The following EVL variants were observed in gnomAD, a reference collection of about 807,000 sequenced individuals.
EVL encodes Enah/Vasp-like.
A neutral mutation model predicts 59.6 loss-of-function variants in EVL; 21 were observed. That is an observed-to-expected ratio of 0.35 (90% CI 0.25 to 0.51). The LOEUF (loss-of-function observed/expected upper bound fraction) is 0.51, where lower values mean the gene tolerates loss of function less well. EVL is among the 20% of genes least tolerant of loss of function. The pLI is 0.97. For synonymous variants in EVL, 198 were observed against 203.5 expected (o/e 0.97, Z 0.23); for missense variants, 462 against 546.6 (o/e 0.85, Z 1.54).
intron 1 of EVL, among the ~76,000 whole-genome samples, chr14:100,050,925 A>AC (rs1362884374): frequency 1.3e-5 from 2 of 151,320 alleles, no homozygotes; most frequent in East Asian, 3.9e-4. Context: ...AAAAAAAAAA[A>AC]ATTAAGAGAT....
chr14:100,126,603 G>A lies in EVL; in HGVS notation c.423-104G>A, dbSNP rs143129720. 3,119 of 1,300,980 alleles carry A rather than the reference G, an allele frequency of 2.4e-3. 11 individuals are homozygous for A. Among genetic ancestry groups the A allele is most frequent in the Non-Finnish European group, 2.8e-3 (2,555 of 913,184 alleles). The allele number at this position is 1,300,980 out of a possible 1,614,324, so 80.6% of individuals were successfully genotyped here. A position where few individuals can be genotyped will look rare whatever the true frequency, so the allele number is the denominator to read the frequency against. On this transcript the variant is annotated intron_variant, in intron 4 of 13. Transcript: ENST00000392920. ...ACAGTGGCGCTTGTGGAGCGCTGGC[G>A]AAACCTGACTCTGAAGCCGGGGCCG...
intron 1 of EVL, among the ~76,000 whole-genome samples, chr14:99,976,770 C>T (rs531763694): frequency 6.6e-6 from 1 of 152,264 alleles, no homozygotes; most frequent in Admixed American, 6.5e-5. Context: ...ACTTTTCCTC[C>T]TAATGTTCTC....
At chr14:100,087,127 T>C (rs1027300495) in intron 2 of EVL, among the ~76,000 whole-genome samples, 1 of 152,220 alleles carries the variant, frequency 6.6e-6, no homozygotes, top group Non-Finnish European at 1.5e-5. Context: ...ATGTCTATTA[T>C]TTCATTCTCC....
upstream of EVL, among the ~76,000 whole-genome samples, chr14:100,060,430 CAAAA>C (rs58767352): frequency 1.6e-5 from 1 of 63,626 alleles, no homozygotes; most frequent in Non-Finnish European, 3.5e-5. Context: ...GACTCCGTCT[CAAAA>C]AAAAAAAAAA....
intron 1 of EVL, among the ~76,000 whole-genome samples, chr14:100,016,226 AAAAAAC>A (rs141487426): frequency 0.082 from 12,489 of 151,830 alleles, 558 homozygotes; most frequent in Middle Eastern, 0.11. Context: ...GAGTGCCTTT[AAAAAAC>A]AAAAACAAAA....
chr14:100,139,300 C>T (rs1196975827), intron 11 of EVL: 1 of 152,286 alleles, frequency 6.6e-6, no homozygotes, highest in African/African-American at 2.4e-5. Flanking sequence ...GGTCTCTCTT[C>T]AGCTCTGAGG....
intron 1 of EVL, among the ~76,000 whole-genome samples, chr14:100,058,729 A>G (rs918804704): frequency 2.6e-5 from 4 of 152,150 alleles, no homozygotes; most frequent in Non-Finnish European, 4.4e-5. Context: ...ACAGCATGTC[A>G]ATAACAAAGC....
At chr14:100,140,029 G>GT in intron 11 of EVL, 1 of 152,220 alleles carries the variant, frequency 6.6e-6, no homozygotes, top group Non-Finnish European at 1.5e-5. Context: ...CGAGGCGGGA[G>GT]GATCACTTGA....
At chr14:100,038,681 C>G (rs895125071) in intron 1 of EVL, among the ~76,000 whole-genome samples, 9 of 151,844 alleles carry the variant, frequency 5.9e-5, no homozygotes, top group Admixed American at 2.0e-4. Context: ...CACTGATATC[C>G]CTCAACTCTT....
intron 1 of EVL, among the ~76,000 whole-genome samples, chr14:100,070,100 A>G (rs1383541012): frequency 6.6e-6 from 1 of 151,918 alleles, no homozygotes; most frequent in Non-Finnish European, 1.5e-5. Flanking sequence ...AAATAAAATT[A>G]AAAAATGAAA....
rs892350897 is a variant in EVL, at chr14:100,114,290, C to G, written c.359-9249C>G. ...CACAGGCATTCTCTGCACACTTGCT[C>G]CCTTCTGACGCCACACCTACCCTGT... On this transcript the variant is annotated intron_variant, in intron 3 of 13. Coordinates refer to ENST00000392920, the MANE Select transcript of EVL (RefSeq NM_016337.3). This position sits in a 1 kb window ranked among gnomAD's most constrained non-coding sequence, Gnocchi z 5.0. Among the ~76,000 whole-genome samples the G allele has an allele frequency of 2.6e-5, 4 of 152,088 alleles. No homozygotes were observed. Among genetic ancestry groups the G allele is most frequent in the African/African-American group, 9.7e-5 (4 of 41,408 alleles).
chr14:100,047,116 C>CTATTTTTTTTT (rs1158933445), intron 1 of EVL, among the ~76,000 whole-genome samples: 1 of 28,420 alleles, frequency 3.5e-5, no homozygotes, highest in East Asian at 5.4e-4. Context: ...AGATCTCTCT[C>CTATTTTTTTTT]TCTTTTTTTT....
rs570356055 is a variant in EVL, at chr14:100,086,559, A to G, written c.180+1704A>G. Among the ~76,000 whole-genome samples the G allele has an allele frequency of 2.0e-5, 3 of 152,352 alleles. No individual in the cohort carries two copies. The South Asian group carries it at 6.2e-4, about 32-fold the overall frequency. On this transcript the variant is annotated intron_variant, in intron 2 of 13. Transcript: ENST00000392920. Reference sequence around the variant, plus strand: ...GTAGGAAGACGGCATGGTGTACTGGAAAGGGCATGGGAAGGGAGAGCTCCC... The same window carrying G: ...GTAGGAAGACGGCATGGTGTACTGGGAAGGGCATGGGAAGGGAGAGCTCCC...
rs1375166078 is a variant in EVL at position 100,144,221 on chromosome 14, C to T, written c.*483C>T. The T allele has an allele frequency of 1.9e-5, 3 of 161,190 alleles. No individual in the cohort carries two copies. Among genetic ancestry groups the T allele is most frequent in the Non-Finnish European group, 4.1e-5 (3 of 73,798 alleles). The allele number at this position is 161,190 out of a possible 1,614,324, so 10.0% of individuals were successfully genotyped here. A position where few individuals can be genotyped will look rare whatever the true frequency, so the allele number is the denominator to read the frequency against. On this transcript the variant is annotated 3_prime_UTR_variant, in exon 14 of 14. Transcript: ENST00000392920. ...GTGTCTGTGTCCACACAGTAATAAA[C>T]GGTTTACTGTCCGCACCCTCGGGCT... is the stretch of plus-strand genomic sequence containing the variant.
In EVL at chr14:100,109,511, A is replaced by T. The variant is rs1448738453; in HGVS notation, c.358+11853A>T. The T allele has an allele frequency of 2.2e-6, 1 of 461,470 alleles. No individual in the cohort carries two copies. Among genetic ancestry groups the T allele is most frequent in the Admixed American group, 2.4e-5 (1 of 42,178 alleles). The allele number at this position is 461,470 out of a possible 1,614,324, so 28.6% of individuals were successfully genotyped here. ...CCCTGAAGAGAGACTGACACATCAGAGGTGTCTGGTGACTGAACAAGCTCC... is the reference window on the plus strand; with the variant it reads ...CCCTGAAGAGAGACTGACACATCAGTGGTGTCTGGTGACTGAACAAGCTCC... On this transcript the variant is annotated intron_variant, in intron 3 of 13. Transcript: ENST00000392920. This position sits in a 1 kb window ranked among gnomAD's most constrained non-coding sequence, Gnocchi z 4.3.
chr14:100,125,246 G>A (rs1595227041), intron 4 of EVL, among the ~76,000 whole-genome samples: 1 of 121,566 alleles, frequency 8.2e-6, no homozygotes, highest in African/African-American at 3.4e-5. Flanking sequence ...CTGCCCCAAG[G>A]CAGGAATACA....
At chr14:100,103,310 G>A (rs962618487) in intron 3 of EVL, among the ~76,000 whole-genome samples, 7 of 151,750 alleles carry the variant, frequency 4.6e-5, no homozygotes, top group African/African-American at 1.7e-4. Flanking sequence ...ACACAGCCAA[G>A]GACAGATGTA....
intron 1 of EVL, among the ~76,000 whole-genome samples, chr14:99,991,774 AATAC>A (rs2060876895): frequency 6.6e-6 from 1 of 152,216 alleles, no homozygotes; most frequent in Non-Finnish European, 1.5e-5. Flanking sequence ...CAGTATATAT[AATAC>A]ATACATGTAA....
chr14:100,050,916 A>C (rs1400804348), intron 1 of EVL, among the ~76,000 whole-genome samples: 1 of 151,030 alleles, frequency 6.6e-6, no homozygotes, highest in Non-Finnish European at 1.5e-5. Flanking sequence ...CTAATTAAAA[A>C]AAAAAAAAAA....
Sources: allele counts gnomAD v4.1 joint callset (sites outside exome capture counted in the v4.1 genomes callset), GRCh38; gene constraint gnomAD v4.1.1; non-coding constraint Gnocchi (gnomAD v3.1); transcripts MANE v1.5; gene names NCBI Gene and HGNC (gene_info 2026-07-23, HGNC 2026-07-21).